Variants in CACNG8 observed in about 807,000 individuals in gnomAD.
The protein encoded by CACNG8 is calcium voltage-gated channel auxiliary subunit gamma 8.
In CACNG8, 5 loss-of-function variants were observed where a neutral mutation model predicts 26.9. That is an observed-to-expected ratio of 0.19 (90% CI 0.10 to 0.39). The LOEUF (loss-of-function observed/expected upper bound fraction) is 0.39, where lower values mean the gene tolerates loss of function less well. Ranked by LOEUF, CACNG8 falls within the 10% of genes least tolerant of loss-of-function variation. The probability of loss-of-function intolerance (pLI) is 1.00; values close to 1 mark genes in which losing one functional copy is unlikely to be tolerated. For synonymous variants in CACNG8, 321 were observed against 296.7 expected, an observed-to-expected ratio of 1.08 and a Z score of -0.84; for missense variants, 473 against 609.4, an observed-to-expected ratio of 0.78 and a Z score of 2.36.
At chr19:53,981,096 T>G (rs2069364410) in intron 3 of CACNG8, among the ~76,000 whole-genome samples, 1 of 151,972 alleles carries the variant, frequency 6.6e-6, no homozygotes, top group South Asian at 2.1e-4. Context: ...CCTGCTTTAT[T>G]AAAGGCAAAT....
At position 53,986,661 on chromosome 19, in the gene CACNG8, C is replaced by T. The variant is rs1042856340; in HGVS notation, c.*3812C>T. 2.0e-5 allele frequency: 3 copies of T among 152,200 alleles called. No individual in the cohort carries two copies. Among genetic ancestry groups the T allele is most frequent in the Non-Finnish European group, 4.4e-5 (3 of 68,086 alleles). The allele number at this position is 152,200 out of a possible 1,614,324, so 9.4% of individuals were successfully genotyped here. On this transcript the variant is annotated 3_prime_UTR_variant, in exon 4 of 4. Coordinates refer to ENST00000270458, the MANE Select transcript of CACNG8 (RefSeq NM_031895.6). The stretch of plus-strand genomic sequence containing the variant: ...GCTGAGAAAGAAGGATCACTTGAAC[C>T]CAGGAGGCAGAGGTTGCAGTGAGCT...
intron 1 of CACNG8, among the ~76,000 whole-genome samples, chr19:53,965,801 A>C (rs2069269079): frequency 6.6e-6 from 1 of 151,966 alleles, no homozygotes. Flanking sequence ...GGGAGGGGTC[A>C]GGGATCCCCG....
In CACNG8 at chr19:53,972,009, G is replaced by A. The variant is rs151183906; in HGVS notation, c.284-6137G>A. 2.6e-5 allele frequency among the ~76,000 whole-genome samples: 4 copies of A among 152,136 alleles called. No individual in the cohort carries two copies. The East Asian group carries it at 7.7e-4, about 29-fold the overall frequency. ...GCCTAACTTCCTTTTTTTTCAGACG[G>A]AGTCTCTCTCTGTCCCCCAGGCTGG... On this transcript the variant is annotated intron_variant, in intron 1 of 3. Transcript: ENST00000270458.
At chr19:53,965,223 C>T (rs1459203979) in intron 1 of CACNG8, among the ~76,000 whole-genome samples, 2 of 152,130 alleles carry the variant, frequency 1.3e-5, no homozygotes, top group Admixed American at 6.6e-5. Flanking sequence ...AATCCATTGC[C>T]AACAGTTAAA....
At chr19:53,963,516 C>T in intron 1 of CACNG8, 91 bp downstream of exon 1, 3 of 1,290,012 alleles carry the variant, frequency 2.3e-6, no homozygotes, top group Non-Finnish European at 3.0e-6. Flanking sequence ...GATCCTGGGG[C>T]CCCCTTGGGC....
rs1446407041 is a variant in CACNG8, at chr19:53,987,410, T to C, written c.*4561T>C. 1.3e-5 allele frequency: 2 copies of C among 152,500 alleles called. No homozygotes were observed. The highest frequency in any genetic ancestry group is 2.9e-5 in the Non-Finnish European group (2 of 68,058). 9.4% of individuals were successfully genotyped at this position (152,500 alleles called of 1,614,324 possible). A position where few individuals can be genotyped will look rare whatever the true frequency, so the allele number is the denominator to read the frequency against. On this transcript the variant is annotated 3_prime_UTR_variant, in exon 4 of 4. Transcript: ENST00000270458. The stretch of plus-strand genomic sequence containing the variant: ...AACAAGAACAGCAGAATTACATTGC[T>C]GTGCTGAGCATACGTAGACTTCAGG...
Position 53,963,077 on chromosome 19 carries a change from G to A in CACNG8, c.-66G>A. On this transcript the variant is annotated 5_prime_UTR_variant, in exon 1 of 4. Transcript: ENST00000270458. ...CTGCGCTGTGAACCCCCCCCCAGCC[G>A]CCGGCACGGCCCCGCCCCCGCTGCC... 2 of 674,426 alleles carry A rather than the reference G, an allele frequency of 3.0e-6. No homozygotes were observed. Among genetic ancestry groups the A allele is most frequent in the East Asian group, 9.7e-5 (1 of 10,328 alleles). 41.8% of individuals were successfully genotyped at this position (674,426 alleles called of 1,614,324 possible). A position where few individuals can be genotyped will look rare whatever the true frequency, so the allele number is the denominator to read the frequency against.
In CACNG8 at chr19:53,964,198, T is replaced by G. The variant is rs566440650; in HGVS notation, c.283+773T>G. ...CCCTCGTGCCCCGTGACATCTTCTC[T>G]CTCCCGACATTTCCCCCCCAGTCCT... is the stretch of plus-strand genomic sequence containing the variant. On this transcript the variant is annotated intron_variant, in intron 1 of 3. Coordinates refer to ENST00000270458, the MANE Select transcript of CACNG8 (RefSeq NM_031895.6). Among the ~76,000 whole-genome samples, 636 of 151,602 alleles carry G rather than the reference T, an allele frequency of 4.2e-3. 5 individuals carry two copies. The highest frequency in any genetic ancestry group is 0.015 in the African/African-American group (606 of 41,326).
At chr19:53,975,356 G>A (rs1413726782) in intron 1 of CACNG8, among the ~76,000 whole-genome samples, 1 of 151,832 alleles carries the variant, frequency 6.6e-6, no homozygotes, top group Non-Finnish European at 1.5e-5. Flanking sequence ...ATCTTTTCAT[G>A]TGCTTGTGGA....
intron 1 of CACNG8, among the ~76,000 whole-genome samples, chr19:53,971,249 G>A (rs568048607): frequency 3.4e-4 from 51 of 149,598 alleles, no homozygotes; most frequent in Non-Finnish European, 6.5e-4. Flanking sequence ...CCAAGATTGT[G>A]CCACTGCTCT....
intron 1 of CACNG8, among the ~76,000 whole-genome samples, chr19:53,974,295 C>T (rs1284902487): frequency 1.3e-5 from 2 of 152,206 alleles, no homozygotes; most frequent in Non-Finnish European, 2.9e-5. Context: ...ATTTGCTTCC[C>T]TTTGAAGGCT....
chr19:53,963,043 CG>C lies in CACNG8; in HGVS notation c.-99del, dbSNP rs1278820651. 2 of 540,384 alleles carry C rather than the reference CG, an allele frequency of 3.7e-6. No homozygotes were observed. Among genetic ancestry groups the C allele is most frequent in the Non-Finnish European group, 5.5e-6 (2 of 361,310 alleles). 33.5% of individuals were successfully genotyped at this position (540,384 alleles called of 1,614,324 possible). On this transcript the variant is annotated 5_prime_UTR_variant, in exon 1 of 4. Transcript: ENST00000270458. ...CCAGCCCCGCCGGCCCCGGGCCCCC[CG>C]CTTCTGCCTGCGCTGTGAACCCCCC... is the stretch of plus-strand genomic sequence containing the variant.
At chr19:53,964,020 G>A (rs1438604743) in intron 1 of CACNG8, among the ~76,000 whole-genome samples, 6 of 151,800 alleles carry the variant, frequency 4.0e-5, no homozygotes, top group East Asian at 1.9e-4. Context: ...GGCTGGTCTC[G>A]AGCTCCTGAG....
At chr19:53,972,267 A>C (rs2069306708) in intron 1 of CACNG8, among the ~76,000 whole-genome samples, 1 of 148,536 alleles carries the variant, frequency 6.7e-6, no homozygotes, top group African/African-American at 2.5e-5. Flanking sequence ...AAGTGCTGGG[A>C]TTACAGCTGT....
chr19:53,966,823 T>A (rs973452064), intron 1 of CACNG8, among the ~76,000 whole-genome samples: 1 of 152,188 alleles, frequency 6.6e-6, no homozygotes, highest in Admixed American at 6.5e-5. Context: ...GCTGCTGTGT[T>A]AACAAATGAC....
chr19:53,983,868 C>G lies in CACNG8; in HGVS notation c.*1019C>G, dbSNP rs912056038. ...CAGGTGAGCGGGGATCAAGGTGAGG[C>G]CGGAGACACAGACAGGGCCAGATTG... is the stretch of plus-strand genomic sequence containing the variant. On this transcript the variant is annotated 3_prime_UTR_variant, in exon 4 of 4. Transcript: ENST00000270458. 1.3e-5 allele frequency: 2 copies of G among 152,586 alleles called. No homozygotes were observed. Among genetic ancestry groups the G allele is most frequent in the African/African-American group, 4.8e-5 (2 of 41,394 alleles). 9.5% of individuals were successfully genotyped at this position (152,586 alleles called of 1,614,324 possible).
chr19:53,985,956 G>C lies in CACNG8; in HGVS notation c.*3107G>C, dbSNP rs1188319885. 6.6e-6 allele frequency: 1 copy of C among 151,882 alleles called. No homozygotes were observed. The allele number at this position is 151,882 out of a possible 1,614,324, so 9.4% of individuals were successfully genotyped here. Reference sequence around the variant, plus strand: ...ACAGAACGAGAGAGAGAGAGAGAGAGAGAGAAAGAATGAGGTTGAGGGTAG... The same window carrying C: ...ACAGAACGAGAGAGAGAGAGAGAGACAGAGAAAGAATGAGGTTGAGGGTAG... On this transcript the variant is annotated 3_prime_UTR_variant, in exon 4 of 4. Transcript: ENST00000270458.
Position 53,982,874 on chromosome 19 carries a change from CG to C in CACNG8, c.*26del. ...GGGGCGCGGCGGGGGAGCCGAGGGGCGTGTCCGGGGCGCGTGCGCGGGCGCG... is the reference window on the plus strand; with the variant it reads ...GGGGCGCGGCGGGGGAGCCGAGGGGCTGTCCGGGGCGCGTGCGCGGGCGCG... On this transcript the variant is annotated 3_prime_UTR_variant, in exon 4 of 4. Transcript: ENST00000270458. The surrounding 1 kb of genome is among the most constrained non-coding windows in gnomAD (Gnocchi z 8.4). The C allele has an allele frequency of 8.0e-7, 1 of 1,250,826 alleles. No homozygotes were observed. The highest frequency in any genetic ancestry group is 1.0e-6 in the Non-Finnish European group (1 of 996,826). 77.5% of individuals were successfully genotyped at this position (1,250,826 alleles called of 1,614,324 possible).
chr19:53,972,652 G>A (rs981930038), intron 1 of CACNG8, among the ~76,000 whole-genome samples: 14 of 152,082 alleles, frequency 9.2e-5, no homozygotes, highest in Admixed American at 2.6e-4. Flanking sequence ...GTGAGCCACC[G>A]CGCCTGGGCT....
Sources: gnomAD v4.1 joint callset for allele counts (sites outside exome capture counted in the v4.1 genomes callset) on GRCh38, gnomAD v4.1.1 for gene constraint, Gnocchi (gnomAD v3.1) non-coding constraint, MANE v1.5 for transcripts, NCBI Gene and HGNC (gene_info 2026-07-23, HGNC 2026-07-21) for gene names.